Variants in ZFYVE16 observed in about 807,000 individuals in gnomAD.
The protein encoded by ZFYVE16 is zinc finger FYVE-type containing 16.
A neutral mutation model predicts 138.1 loss-of-function variants in ZFYVE16; 89 were observed. The observed-to-expected ratio is 0.64, with a 90% CI of 0.54 to 0.77. The LOEUF is 0.77. Ranked by LOEUF, ZFYVE16 falls within the 30% of genes least tolerant of loss-of-function variation. The probability of loss-of-function intolerance (pLI) is 0.00; values close to 1 mark genes in which losing one functional copy is unlikely to be tolerated. For missense variants in ZFYVE16, 1,793 were observed against 1,786.7 expected (o/e 1.00, Z -0.06); for synonymous variants, 596 against 618.3 (o/e 0.96, Z 0.53).
At position 80,479,428 on chromosome 5, in the gene ZFYVE16, T is replaced by C. The variant is rs1346615790; in HGVS notation, c.*2051T>C. ...CTTTACCAGGTTTCTAAGCAAAAAT[T>C]TCTAAAAATGATTAATTGTTCTGAC... On this transcript the variant is annotated 3_prime_UTR_variant, in exon 19 of 19. Transcript: ENST00000505560. 6.6e-6 allele frequency: 1 copy of C among 152,156 alleles called. No homozygotes were observed. The highest frequency in any genetic ancestry group is 1.5e-5 in the Non-Finnish European group (1 of 68,020). The allele number at this position is 152,156 out of a possible 1,614,324, so 9.4% of individuals were successfully genotyped here. A position where few individuals can be genotyped will look rare whatever the true frequency, so the allele number is the denominator to read the frequency against.
intron 11 of ZFYVE16, chr5:80,455,483 G>A (rs377266678): frequency 6.7e-5 from 32 of 478,478 alleles, no homozygotes; most frequent in Admixed American, 1.2e-4. Flanking sequence ...GCAATGAGTC[G>A]AGATTGCACC....
At chr5:80,409,072 A>G (rs1745059263) in intron 1 of ZFYVE16, among the ~76,000 whole-genome samples, 1 of 152,218 alleles carries the variant, frequency 6.6e-6, no homozygotes, top group African/African-American at 2.4e-5. Context: ...AAAATGATCA[A>G]TCATAATTCC....
At chr5:80,465,400 G>GTTTTTTTTTGTT (rs1753600981) in intron 15 of ZFYVE16, among the ~76,000 whole-genome samples, 1 of 26,782 alleles carries the variant, frequency 3.7e-5, no homozygotes, top group Non-Finnish European at 7.4e-5. Flanking sequence ...CCTTTTCTTT[G>GTTTTTTTTTGTT]TTTTTTTTTT....
intron 2 of ZFYVE16, among the ~76,000 whole-genome samples, chr5:80,430,637 A>C (rs1337594694): frequency 6.6e-6 from 1 of 152,152 alleles, no homozygotes; most frequent in Non-Finnish European, 1.5e-5. Context: ...TCAAAAAATC[A>C]ATGAATCCAG....
intron 1 of ZFYVE16, chr5:80,409,852 T>C (rs1745166998): frequency 6.6e-6 from 1 of 152,144 alleles, no homozygotes; most frequent in Non-Finnish European, 1.5e-5. Flanking sequence ...GGCTGTTAGG[T>C]TGTTTAAAAT....
Position 80,450,456 on chromosome 5 carries a change from T to A in ZFYVE16, c.3252T>A (p.Phe1084Leu), listed in dbSNP as rs1223668484. 1 of 1,613,592 alleles carries A rather than the reference T, an allele frequency of 6.2e-7. No homozygotes were observed. The highest frequency in any genetic ancestry group is 1.3e-5 in the African/African-American group (1 of 75,040). Residue 1084 changes from phenylalanine (F) to leucine (L), a missense_variant, in exon 10 of 19, where the codon TTT becomes TTA. Coordinates refer to ENST00000505560, the MANE Select transcript of ZFYVE16 (RefSeq NM_001284236.3). The stretch of plus-strand genomic sequence containing the variant: ...ATTCCTCAGACAAATATTGGTACTT[T>A]TCAACCAATGGATTGCATGGCTTGG... ...IFYSSDKYWY[F>L]STNGLHGLGQ...
intron 18 of ZFYVE16, 24 bp from the exon 19 acceptor site, chr5:80,477,195 A>T: frequency 1.3e-6 from 2 of 1,567,618 alleles, no homozygotes; most frequent in Non-Finnish European, 1.7e-6. Flanking sequence ...TCATTTTCTT[A>T]TCAAGAATTT....
chr5:80,448,471 A>G (rs1454222817), intron 8 of ZFYVE16, 67 bp downstream of exon 8: 3 of 1,332,474 alleles, frequency 2.3e-6, no homozygotes, highest in East Asian at 2.7e-5. Flanking sequence ...TATCTGTGAC[A>G]TATGAAATGT....
chr5:80,477,282 A>T lies in ZFYVE16; in HGVS notation c.4525A>T (p.Ser1509Cys), dbSNP rs1228728245. 1 of 1,609,104 alleles carries T rather than the reference A, an allele frequency of 6.2e-7. No individual in the cohort carries two copies. Among genetic ancestry groups the T allele is most frequent in the Non-Finnish European group, 8.5e-7 (1 of 1,178,476 alleles). The change falls in exon 19 of 19, where the codon AGT becomes TGT. Residue 1509 changes from serine to cysteine, a missense_variant. By Grantham distance (112) the Ser-to-Cys change is moderately radical (BLOSUM62 -1). Coordinates refer to ENST00000505560, the MANE Select transcript of ZFYVE16 (RefSeq NM_001284236.3). Reference protein sequence around the residue: ...LPQHYLNDLDSALIPVIHGGT... With the variant: ...LPQHYLNDLDCALIPVIHGGT... ...TCAGCATTATCTAAATGATCTTGAT[A>T]GTGCTCTGATACCTGTGATCCATGG...
At chr5:80,451,390 G>A in intron 10 of ZFYVE16, 95 bp from the exon 11 acceptor site, 2 of 874,050 alleles carry the variant, frequency 2.3e-6, no homozygotes, top group East Asian at 2.6e-5. Flanking sequence ...TATATGTATT[G>A]GATCAGTTTT....
chr5:80,473,103 G>A (rs917477066), intron 16 of ZFYVE16, among the ~76,000 whole-genome samples, 180 bp downstream of exon 16: 2 of 152,174 alleles, frequency 1.3e-5, no homozygotes, highest in African/African-American at 4.8e-5. Context: ...AGCCTCATAA[G>A]TGGTGGTGTG....
At chr5:80,457,206 C>G in intron 14 of ZFYVE16, 114 bp downstream of exon 14, 1 of 1,420,390 alleles carries the variant, frequency 7.0e-7, no homozygotes, top group South Asian at 1.4e-5. Context: ...GGTGATAAAA[C>G]AATATGTTTT....
Position 80,472,822 on chromosome 5 carries a change from A to T in ZFYVE16, c.4086A>T (p.Glu1362Asp). 3 of 1,614,032 alleles carry T rather than the reference A, an allele frequency of 1.9e-6. No individual in the cohort carries two copies. The East Asian group carries it at 6.7e-5, about 36-fold the overall frequency. ...ATGGCTTGCGGCTAGCTTTACGAGA[A>T]CAGAAAGACTTTAAAATTACATGTG... is the stretch of plus-strand genomic sequence containing the variant. ...TMNGLRLALR[E>D]QKDFKITCGK... is the part of the protein sequence containing the mutation. Residue 1362 changes from glutamate (E) to aspartate (D), a missense_variant, in exon 16 of 19, where the codon GAA (glutamate) becomes GAT (aspartate). Glu to Asp is a conservative substitution (Grantham distance 45). This residue lies in a region of ZFYVE16 where 498 missense variants were observed against 582.4 expected (regional missense o/e 0.86). Coordinates refer to ENST00000505560, the MANE Select transcript of ZFYVE16 (RefSeq NM_001284236.3).
rs1053021803 is a variant in ZFYVE16 at position 80,472,967 on chromosome 5, G to A, written c.4187+44G>A. ...TAAAATATAATTGATTTGAAGGAAA[G>A]TGCAGGATTAAAATATCCTATTAAT... On this transcript the variant is annotated intron_variant, in intron 16 of 18. Transcript: ENST00000505560. The A allele has an allele frequency of 1.1e-5, 16 of 1,487,852 alleles. No homozygotes were observed. The African/African-American group carries it at 2.3e-4, about 21-fold the overall frequency. 92.2% of individuals were successfully genotyped at this position (1,487,852 alleles called of 1,614,324 possible). A position where few individuals can be genotyped will look rare whatever the true frequency, so the allele number is the denominator to read the frequency against.
chr5:80,452,595 G>C (rs1206406461), intron 11 of ZFYVE16: 1 of 152,114 alleles, frequency 6.6e-6, no homozygotes, highest in Admixed American at 6.6e-5. Flanking sequence ...ATATTAAGAA[G>C]ATAAATCGTT....
rs1750262801 is a variant in ZFYVE16 at position 80,438,508 on chromosome 5, G to T, written c.1823G>T (p.Gly608Val). Residue 608 changes from glycine (G) to valine (V), a missense_variant, in exon 4 of 19, where the codon GGC becomes GTC. Gly to Val is a moderately radical substitution (Grantham distance 109). Around this residue, in one of 2 missense-constraint regions of ZFYVE16, gnomAD observed 1,295 missense variants for 1,204.3 expected, o/e 1.08. Coordinates refer to ENST00000505560, the MANE Select transcript of ZFYVE16 (RefSeq NM_001284236.3). Reference protein sequence around the residue: ...IVDKQNTIENGLSLGEKSTIP... With the variant: ...IVDKQNTIENVLSLGEKSTIP... ...GATAAACAAAATACAATAGAAAATG[G>T]CCTTTCTTTAGGAGAAAAAAGCACT... is the stretch of plus-strand genomic sequence containing the variant. 1 of 1,613,560 alleles carries T rather than the reference G, an allele frequency of 6.2e-7. No individual in the cohort carries two copies. Among genetic ancestry groups the T allele is most frequent in the African/African-American group, 1.3e-5 (1 of 74,972 alleles).
chr5:80,441,899 A>G, intron 5 of ZFYVE16: 1 of 985,308 alleles, frequency 1.0e-6, no homozygotes, highest in South Asian at 4.7e-5. Context: ...TATTTTTTGG[A>G]TGAAGAATCA....
At chr5:80,455,891 C>G in intron 12 of ZFYVE16, 117 bp downstream of exon 12, 1 of 854,548 alleles carries the variant, frequency 1.2e-6, no homozygotes, top group Non-Finnish European at 1.7e-6. Flanking sequence ...GTATAATGAC[C>G]ATTCATTTAC....
intron 1 of ZFYVE16, among the ~76,000 whole-genome samples, chr5:80,416,414 C>T (rs1746255751): frequency 6.6e-6 from 1 of 151,804 alleles, no homozygotes; most frequent in Admixed American, 6.6e-5. Flanking sequence ...CAGCACCATG[C>T]CCGGCTAATT....
Sources: allele counts gnomAD v4.1 joint callset (sites outside exome capture counted in the v4.1 genomes callset), GRCh38; gene constraint gnomAD v4.1.1; regional missense constraint gnomAD v4.1.1; transcripts MANE v1.5; gene names NCBI Gene and HGNC (gene_info 2026-07-23, HGNC 2026-07-21).